TRIO: variants seen among roughly 807,000 people sequenced by gnomAD.
TRIO encodes the protein trio Rho guanine nucleotide exchange factor, also known as triple functional domain protein.
In TRIO, 58 loss-of-function variants were observed where a neutral mutation model predicts 351.9. The observed-to-expected ratio is 0.16, with a 90% CI of 0.13 to 0.21. The LOEUF (loss-of-function observed/expected upper bound fraction) is 0.21. Ranked by LOEUF, TRIO falls within the 10% of genes least tolerant of loss-of-function variation. TRIO has a pLI of 1.00. For missense variants in TRIO, 3,201 were observed against 4,027.8 expected (o/e 0.79, Z 5.56); for synonymous variants, 1,758 against 1,595.7 (o/e 1.10, Z -2.42).
At chr5:14,479,393 G>T (rs781558839) in intron 42 of TRIO, 43 bp downstream of exon 42, 22 of 1,523,932 alleles carry the variant, frequency 1.4e-5, no homozygotes, top group African/African-American at 2.8e-5. Context: ...TGAATCTTTT[G>T]TTCCAACTTA....
chr5:14,245,217 G>A (rs573115123), intron 1 of TRIO, among the ~76,000 whole-genome samples: 2 of 152,164 alleles, frequency 1.3e-5, no homozygotes, highest in African/African-American at 4.8e-5. Context: ...TTTAAATTAG[G>A]TTATTGTAAA....
intron 11 of TRIO, among the ~76,000 whole-genome samples, chr5:14,350,473 A>T (rs1043503066): frequency 7.2e-5 from 11 of 152,208 alleles, no homozygotes; most frequent in Admixed American, 2.0e-4. Flanking sequence ...GTTTAAGTCC[A>T]TGGTGTTCCG....
At chr5:14,315,250 T>C (rs1372157403) in intron 8 of TRIO, among the ~76,000 whole-genome samples, 4 of 148,302 alleles carry the variant, frequency 2.7e-5, no homozygotes, top group Non-Finnish European at 4.4e-5. Flanking sequence ...AACTTGCTCC[T>C]CTTTTTTTTT....
At chr5:14,210,482 A>G (rs948475854) in intron 1 of TRIO, among the ~76,000 whole-genome samples, 2 of 152,210 alleles carry the variant, frequency 1.3e-5, no homozygotes, top group Admixed American at 6.5e-5. Flanking sequence ...TTATGGGAGC[A>G]TCTGTCAGAG....
intron 1 of TRIO, among the ~76,000 whole-genome samples, chr5:14,151,831 G>A (rs1473542393): frequency 6.6e-6 from 1 of 152,166 alleles, no homozygotes. Context: ...CATTCTGAAA[G>A]TTTTGCATTT....
chr5:14,212,262 A>T (rs1791952728), intron 1 of TRIO, among the ~76,000 whole-genome samples: 1 of 152,214 alleles, frequency 6.6e-6, no homozygotes, highest in Admixed American at 6.5e-5. Flanking sequence ...CCCTATAAGG[A>T]CCAACAGGCG....
intron 1 of TRIO, among the ~76,000 whole-genome samples, chr5:14,260,775 G>A (rs555384488): frequency 1.3e-5 from 2 of 152,250 alleles, no homozygotes; most frequent in South Asian, 2.1e-4. Context: ...GGAAACTTTG[G>A]TATTTTAAAT....
intron 19 of TRIO, among the ~76,000 whole-genome samples, chr5:14,376,031 G>A (rs566962692): frequency 1.3e-5 from 2 of 152,216 alleles, no homozygotes; most frequent in South Asian, 4.1e-4. Flanking sequence ...ATAAGAATAT[G>A]GTGGTATTTA....
intron 2 of TRIO, among the ~76,000 whole-genome samples, chr5:14,278,863 A>C (rs545353308): frequency 2.8e-4 from 43 of 152,296 alleles, no homozygotes; most frequent in African/African-American, 1.0e-3. Context: ...TCTCTGTGAC[A>C]TTTTTACTAC....
intron 9 of TRIO, among the ~76,000 whole-genome samples, chr5:14,330,134 ATAAGAT>A (rs1740775531): frequency 6.6e-6 from 1 of 152,252 alleles, no homozygotes; most frequent in Non-Finnish European, 1.5e-5. Context: ...AGTTTAAAAC[ATAAGAT>A]TATACTGCTT....
intron 1 of TRIO, among the ~76,000 whole-genome samples, chr5:14,208,399 G>A (rs1056851916): frequency 6.6e-6 from 1 of 152,212 alleles, no homozygotes; most frequent in Admixed American, 6.5e-5. Flanking sequence ...AGTGAAAGAA[G>A]CCAGACACAA....
rs372278596 is a variant in TRIO at position 14,485,051 on chromosome 5, T to C, written c.6658-18T>C. The stretch of plus-strand genomic sequence containing the variant: ...TCCACCTGTTAGCTATTATGAATAA[T>C]GTTTTTTTTTTTTTAAGGTGAGTTG... On this transcript the variant is annotated intron_variant, in intron 46 of 56. Transcript: ENST00000344204. 6 of 1,518,412 alleles carry C rather than the reference T, an allele frequency of 4.0e-6. No homozygotes were observed. In the African/African-American group the frequency reaches 7.0e-5, roughly 18 times the overall value. The allele number at this position is 1,518,412 out of a possible 1,614,324, so 94.1% of individuals were successfully genotyped here.
Position 14,274,244 on chromosome 5 carries a change from C to T in TRIO, c.232+3345C>T, listed in dbSNP as rs171366. ...TGTTACCTCCTGATGTTTTAGGAAG[C>T]GAGGAATCCAGGTGTCTTCCTGTGG... On this transcript the variant is annotated intron_variant, in intron 2 of 56. Transcript: ENST00000344204. Among the ~76,000 whole-genome samples the T allele has an allele frequency of 5.8e-4, 89 of 152,206 alleles. 1 individual carries two copies. The East Asian group carries it at 0.014, about 23-fold the overall frequency.
chr5:14,170,521 T>G (rs1789034760), intron 1 of TRIO, among the ~76,000 whole-genome samples: 2 of 151,734 alleles, frequency 1.3e-5, no homozygotes, highest in Admixed American at 1.3e-4. Context: ...TTTTTTTTTT[T>G]TTTTTGGAGA....
intron 1 of TRIO, among the ~76,000 whole-genome samples, chr5:14,177,444 C>T (rs535685881): frequency 2.6e-5 from 4 of 152,200 alleles, no homozygotes; most frequent in South Asian, 4.1e-4. Context: ...TGCTCTGAAA[C>T]GCACCATCCT....
intron 13 of TRIO, among the ~76,000 whole-genome samples, chr5:14,360,567 A>G (rs913888410): frequency 6.6e-6 from 1 of 152,210 alleles, no homozygotes; most frequent in African/African-American, 2.4e-5. Flanking sequence ...TTTAGAATTC[A>G]TCAGCAGTCC....
In TRIO at chr5:14,428,747, T is replaced by C. The variant is rs193215707; in HGVS notation, c.5203+8726T>C. On this transcript the variant is annotated intron_variant, in intron 34 of 56. Transcript: ENST00000344204. ...TCCATATTAGATCATCACAAAATTA[T>C]ATATATAGCAGAGTCATAAACAATG... 2.1e-3 allele frequency among the ~76,000 whole-genome samples: 315 copies of C among 152,310 alleles called. 1 individual carries two copies. Among genetic ancestry groups the C allele is most frequent in the Non-Finnish European group, 3.2e-3 (216 of 68,032 alleles).
intron 1 of TRIO, among the ~76,000 whole-genome samples, chr5:14,266,583 G>C (rs141345329): frequency 6.6e-6 from 1 of 152,088 alleles, no homozygotes; most frequent in African/African-American, 2.4e-5. Context: ...TTTAAAAGGT[G>C]GTAACAGAAT....
intron 1 of TRIO, among the ~76,000 whole-genome samples, chr5:14,237,163 T>C (rs545137112): frequency 2.0e-5 from 3 of 152,334 alleles, no homozygotes; most frequent in African/African-American, 7.2e-5. Flanking sequence ...CCGGTTTTTC[T>C]TTTAGATTTT....
Sources: allele counts gnomAD v4.1 joint callset (sites outside exome capture counted in the v4.1 genomes callset), GRCh38; gene constraint gnomAD v4.1.1; transcripts MANE v1.5; gene names NCBI Gene and HGNC (gene_info 2026-07-23, HGNC 2026-07-21).